The following GSE1 variants were observed in gnomAD, a reference collection of about 807,000 sequenced individuals.
GSE1 encodes the protein Gse1 coiled-coil protein, also known as genetic suppressor element 1.
Under a neutral mutation model 112.6 loss-of-function variants are expected in GSE1, and 32 were observed. The observed-to-expected ratio is 0.28, with a 90% CI of 0.21 to 0.38. The LOEUF (loss-of-function observed/expected upper bound fraction) is 0.38, where lower values mean the gene tolerates loss of function less well. Ranked by LOEUF, GSE1 falls within the 10% of genes least tolerant of loss-of-function variation. The pLI is 1.00. For missense variants in GSE1, 2,348 were observed against 1,699.2 expected (o/e 1.38, Z -6.71); for synonymous variants, 1,115 against 735.6 (o/e 1.52, Z -8.35).
upstream of GSE1, among the ~76,000 whole-genome samples, chr16:85,552,813 C>T (rs1598153667): frequency 6.6e-6 from 1 of 152,236 alleles, no homozygotes; most frequent in African/African-American, 2.4e-5. Context: ...TGGGGGAGCA[C>T]CCCTCCCTCT....
intron 1 of GSE1, among the ~76,000 whole-genome samples, chr16:85,569,774 C>T (rs929382978): frequency 1.3e-5 from 2 of 152,200 alleles, no homozygotes; most frequent in Non-Finnish European, 2.9e-5. Flanking sequence ...CCGTGGCGTG[C>T]GTTGGGGAAA....
rs1285190496 is a variant in GSE1, at chr16:85,478,927, C to CTTTCTTTT, written c.2464+121285_2464+121286insTTCTTTTT. On this transcript the variant is annotated intron_variant, in intron 2 of 2. Transcript: ENST00000637419. The stretch of plus-strand genomic sequence containing the variant: ...TCTTTCTTTCTTTCTTTCTTTCTTT[C>CTTTCTTTT]TCTTTCTTTCTTTCTTTCTTTTTTT... Among the ~76,000 whole-genome samples, 51 of 28,058 alleles carry CTTTCTTTT rather than the reference C, an allele frequency of 1.8e-3. 8 individuals are homozygous for CTTTCTTTT. The highest frequency in any genetic ancestry group is 7.0e-3 in the African/African-American group (46 of 6,532). 18.4% of individuals were successfully genotyped at this position (28,058 alleles called of 152,430 possible). A position where few individuals can be genotyped will look rare whatever the true frequency, so the allele number is the denominator to read the frequency against.
chr16:85,355,841 T>C (rs1597471793), intron 1 of GSE1, among the ~76,000 whole-genome samples: 1 of 152,056 alleles, frequency 6.6e-6, no homozygotes, highest in South Asian at 2.1e-4. Context: ...GCCAACATAG[T>C]GAAACCCCAT....
rs953241718 is a variant in GSE1 at position 85,506,222 on chromosome 16, G to C, written c.2465-127692G>C. ...GTGTGGTGCGTCCCTGACGGTCACC[G>C]CCAGCCACATGTGGCTCTCCAGCAT... is the stretch of plus-strand genomic sequence containing the variant. On this transcript the variant is annotated intron_variant, in intron 2 of 2. Coordinates refer to the GSE1 transcript ENST00000637419. 4.2e-4 allele frequency among the ~76,000 whole-genome samples: 64 copies of C among 152,302 alleles called. 1 individual carries two copies. Among genetic ancestry groups the C allele is most frequent in the Middle Eastern group, 3.4e-3 (1 of 294 alleles).
intron 1 of GSE1, among the ~76,000 whole-genome samples, chr16:85,267,683 A>G (rs748587234): frequency 1.3e-5 from 2 of 152,124 alleles, no homozygotes; most frequent in Non-Finnish European, 2.9e-5. Flanking sequence ...TCTTGAACAC[A>G]TCCAAGCTTT....
intron 1 of GSE1, chr16:85,581,950 C>A (rs1016867309): frequency 1.3e-5 from 2 of 152,184 alleles, no homozygotes; most frequent in Non-Finnish European, 2.9e-5. Context: ...TGGGAGTCTA[C>A]ATTTTTCAAA....
intron 1 of GSE1, among the ~76,000 whole-genome samples, chr16:85,575,684 T>C (rs188987494): frequency 2.0e-5 from 3 of 152,326 alleles, no homozygotes; most frequent in Admixed American, 6.5e-5. Flanking sequence ...TTGACATCTG[T>C]AACTAACAGC....
rs572761141 is a variant in GSE1, at chr16:85,523,817, G to A, written c.2465-110097G>A. ...GAGGGGCTGGCCCTCAGGCGCAGCGGTCTGGTTCAGAGCCAGCAACACCAC... is the reference window on the plus strand; with the variant it reads ...GAGGGGCTGGCCCTCAGGCGCAGCGATCTGGTTCAGAGCCAGCAACACCAC... On this transcript the variant is annotated intron_variant, in intron 2 of 2. Transcript: ENST00000637419. Among the ~76,000 whole-genome samples the A allele has an allele frequency of 7.9e-5, 12 of 152,370 alleles. 1 individual carries two copies. In the South Asian group the frequency reaches 2.3e-3, roughly 29 times the overall value.
chr16:85,311,910 G>A lies in GSE1; in HGVS notation c.2284-45553G>A, dbSNP rs1320855602. On this transcript the variant is annotated intron_variant, in intron 1 of 2. Coordinates refer to the GSE1 transcript ENST00000637419. The surrounding 1 kb of genome is among the most constrained non-coding windows in gnomAD (Gnocchi z 4.2). ...AGGGTTGTGAAGTCCCTGCCTTCCC[G>A]GGTTCCCTCCGCCGGCCCAGCACTG... Among the ~76,000 whole-genome samples, 1 of 152,116 alleles carries A rather than the reference G, an allele frequency of 6.6e-6. No homozygotes were observed. Among genetic ancestry groups the A allele is most frequent in the Non-Finnish European group, 1.5e-5 (1 of 68,008 alleles).
chr16:85,662,957 T>G, intron 9 of GSE1, 24 bp from the exon 10 acceptor site: 2 of 1,469,530 alleles, frequency 1.4e-6, no homozygotes, highest in Non-Finnish European at 1.9e-6. Flanking sequence ...TTTGTCTGGC[T>G]GAATACAACC....
chr16:85,540,789 C>T (rs966066599), intron 2 of GSE1, among the ~76,000 whole-genome samples: 1 of 152,024 alleles, frequency 6.6e-6, no homozygotes, highest in Non-Finnish European at 1.5e-5. Flanking sequence ...GGCCTGTAGT[C>T]CTTGATACTA....
chr16:85,586,909 G>A (rs1167720870), intron 1 of GSE1, among the ~76,000 whole-genome samples: 4 of 152,248 alleles, frequency 2.6e-5, no homozygotes, highest in East Asian at 3.8e-4. Flanking sequence ...CATGCAGCGC[G>A]AGAGGAGTAA....
intron 8 of GSE1, among the ~76,000 whole-genome samples, chr16:85,660,469 T>C (rs1301449014): frequency 6.6e-6 from 1 of 152,022 alleles, no homozygotes; most frequent in African/African-American, 2.4e-5. Context: ...AAACCCTATC[T>C]CTACTAAATA....
chr16:85,615,959 T>G (rs189238377), intron 1 of GSE1, among the ~76,000 whole-genome samples: 6 of 152,330 alleles, frequency 3.9e-5, no homozygotes, highest in East Asian at 3.9e-4. Flanking sequence ...GCAGGAAGCC[T>G]CCTCCGATGG....
chr16:85,377,815 G>A (rs886509344), intron 2 of GSE1, among the ~76,000 whole-genome samples: 5 of 152,334 alleles, frequency 3.3e-5, no homozygotes, highest in African/African-American at 1.2e-4. Flanking sequence ...CTTCCAAATG[G>A]CCCGGCATCC....
intron 1 of GSE1, among the ~76,000 whole-genome samples, chr16:85,305,792 T>A (rs530345052): frequency 3.8e-4 from 58 of 152,234 alleles, no homozygotes; most frequent in African/African-American, 1.3e-3. Flanking sequence ...CAGTATTTTT[T>A]AAAGTTCCCC....
intron 2 of GSE1, among the ~76,000 whole-genome samples, chr16:85,460,656 C>T (rs867220645): frequency 6.6e-6 from 1 of 152,260 alleles, no homozygotes; most frequent in Middle Eastern, 3.2e-3. Flanking sequence ...CTTGCCCGAG[C>T]TAATGTCACT....
chr16:85,181,650 G>A (rs1403864121), intron 1 of GSE1, among the ~76,000 whole-genome samples: 1 of 152,232 alleles, frequency 6.6e-6, no homozygotes, highest in Non-Finnish European at 1.5e-5. Flanking sequence ...CGCTTCGGGT[G>A]GGAAGGTTTG....
At position 85,652,545 on chromosome 16, in the gene GSE1, A is replaced by AGGCGGCGGCGGC. The variant is rs142500416; in HGVS notation, c.427-1723_427-1712dup. Among the ~76,000 whole-genome samples, 1,401 of 150,952 alleles carry AGGCGGCGGCGGC rather than the reference A, an allele frequency of 9.3e-3. 105 individuals carry two copies. In the East Asian group the frequency reaches 0.18, roughly 19 times the overall value. On this transcript the variant is annotated intron_variant, in intron 3 of 15. Coordinates refer to ENST00000253458, the MANE Select transcript of GSE1 (RefSeq NM_014615.5). Reference sequence around the variant, plus strand: ...GATGCTGCCTCTCATTGAAGATTCCAGGCGGCGGCGGCGGCGGCGGCTCCT... The same window carrying AGGCGGCGGCGGC: ...GATGCTGCCTCTCATTGAAGATTCCAGGCGGCGGCGGCGGCGGCGGCGGCGGCGGCGGCTCCT...
Sources: allele counts gnomAD v4.1 joint callset (sites outside exome capture counted in the v4.1 genomes callset), GRCh38; gene constraint gnomAD v4.1.1; non-coding constraint Gnocchi (gnomAD v3.1); transcripts MANE v1.5; gene names NCBI Gene and HGNC (gene_info 2026-07-23, HGNC 2026-07-21).